Variants in KCTD16 observed in about 807,000 individuals in gnomAD.
The protein encoded by KCTD16 is potassium channel tetramerization domain containing 16.
Under a neutral mutation model 33.2 loss-of-function variants are expected in KCTD16, and 13 were observed. The observed-to-expected ratio is 0.39, with a 90% CI of 0.25 to 0.62. The LOEUF (loss-of-function observed/expected upper bound fraction) is 0.62. KCTD16 is among the 20% of genes least tolerant of loss of function. KCTD16 has a pLI of 0.50. For missense variants in KCTD16, 441 were observed against 525.1 expected, an observed-to-expected ratio of 0.84 and a Z score of 1.57; for synonymous variants, 197 against 195.3, an observed-to-expected ratio of 1.01 and a Z score of -0.07.
At chr5:144,427,282 T>C (rs1201999744) in intron 3 of KCTD16, among the ~76,000 whole-genome samples, 1 of 152,092 alleles carries the variant, frequency 6.6e-6, no homozygotes, top group African/African-American at 2.4e-5. Context: ...CTTGATCTTC[T>C]ACTCAGGATT....
At chr5:144,235,306 T>C (rs1754220273) in intron 3 of KCTD16, among the ~76,000 whole-genome samples, 1 of 152,014 alleles carries the variant, frequency 6.6e-6, no homozygotes, top group Admixed American at 6.6e-5. Context: ...TCCCAAGGGG[T>C]GTGGCTTCCT....
chr5:144,209,884 A>G (rs1338388640), intron 3 of KCTD16, among the ~76,000 whole-genome samples: 3 of 145,128 alleles, frequency 2.1e-5, no homozygotes, highest in Non-Finnish European at 3.0e-5. Context: ...GTATGTATGT[A>G]TATATATGTG....
At chr5:144,466,348 C>T (rs1187703748) in intron 3 of KCTD16, among the ~76,000 whole-genome samples, 1 of 150,112 alleles carries the variant, frequency 6.7e-6, no homozygotes, top group Non-Finnish European at 1.5e-5. Context: ...TACAAGATGT[C>T]CCACACATCA....
At chr5:144,439,257 GAGTATTGGCA>G (rs1251749989) in intron 3 of KCTD16, 1 of 326,128 alleles carries the variant, frequency 3.1e-6, no homozygotes, top group Non-Finnish European at 6.0e-6. Flanking sequence ...TGAGGGGTTT[GAGTATTGGCA>G]TGTCATGTTG....
intron 3 of KCTD16, among the ~76,000 whole-genome samples, chr5:144,410,421 G>A (rs1405866436): frequency 6.6e-6 from 1 of 152,120 alleles, no homozygotes; most frequent in Non-Finnish European, 1.5e-5. Context: ...TGTCCTACCT[G>A]TATGTAACCT....
chr5:144,173,060 G>A (rs1023671995), intron 1 of KCTD16, among the ~76,000 whole-genome samples: 4 of 152,166 alleles, frequency 2.6e-5, no homozygotes, highest in Admixed American at 2.6e-4. Context: ...CCATTATGGA[G>A]GACAGTGTGG....
chr5:144,358,824 C>G (rs1751636907), intron 3 of KCTD16, among the ~76,000 whole-genome samples: 1 of 152,190 alleles, frequency 6.6e-6, no homozygotes, highest in Non-Finnish European at 1.5e-5. Context: ...TCCTTTGGGC[C>G]TCTTTTATAA....
rs568202993 is a variant in KCTD16 at position 144,335,509 on chromosome 5, C to T, written c.832+127963C>T. ...GGGTAGAAAAATGAGTAAAGCTGTC[C>T]TTTTCCTAAAAGAGCTCAGGTTCTA... is the stretch of plus-strand genomic sequence containing the variant. On this transcript the variant is annotated intron_variant, in intron 3 of 3. Transcript: ENST00000512467. Among the ~76,000 whole-genome samples the T allele has an allele frequency of 3.9e-5, 6 of 152,012 alleles. No homozygotes were observed. In the East Asian group the frequency reaches 9.7e-4, roughly 25 times the overall value.
intron 3 of KCTD16, among the ~76,000 whole-genome samples, chr5:144,259,457 G>A (rs1377883927): frequency 1.3e-5 from 2 of 151,958 alleles, no homozygotes; most frequent in African/African-American, 4.8e-5. Flanking sequence ...TATGGCATTC[G>A]AAAACAATTA....
At chr5:144,238,370 AT>A (rs2126819110) in intron 3 of KCTD16, among the ~76,000 whole-genome samples, 1 of 152,254 alleles carries the variant, frequency 6.6e-6, no homozygotes, top group Admixed American at 6.5e-5. Context: ...TCTGTGTTTT[AT>A]TACCTGGAAA....
intron 3 of KCTD16, among the ~76,000 whole-genome samples, chr5:144,230,635 T>C (rs899126602): frequency 6.6e-6 from 1 of 152,184 alleles, no homozygotes; most frequent in East Asian, 1.9e-4. Context: ...GCCAATTATA[T>C]AAGGTGTAAA....
At chr5:144,376,792 G>C (rs781436187) in intron 3 of KCTD16, among the ~76,000 whole-genome samples, 12 of 152,182 alleles carry the variant, frequency 7.9e-5, no homozygotes, top group Non-Finnish European at 1.5e-4. Flanking sequence ...CATGTTTTAA[G>C]GATGGTAGGA....
At chr5:144,412,467 A>G (rs1752953557) in intron 3 of KCTD16, among the ~76,000 whole-genome samples, 1 of 152,214 alleles carries the variant, frequency 6.6e-6, no homozygotes, top group South Asian at 2.1e-4. Flanking sequence ...TAGGAGATAA[A>G]AAAGAATCCT....
chr5:144,453,515 G>A (rs1023832447), intron 3 of KCTD16, among the ~76,000 whole-genome samples: 3 of 152,094 alleles, frequency 2.0e-5, no homozygotes, highest in African/African-American at 7.2e-5. Flanking sequence ...AGTGTTAGAA[G>A]CCCCTAGTAT....
intron 3 of KCTD16, among the ~76,000 whole-genome samples, chr5:144,451,965 A>T (rs1753952231): frequency 1.3e-5 from 2 of 151,856 alleles, no homozygotes; most frequent in South Asian, 4.2e-4. Flanking sequence ...TTTAGGAGTG[A>T]AACTGTATTT....
intron 3 of KCTD16, among the ~76,000 whole-genome samples, chr5:144,333,899 C>G (rs1023353990): frequency 6.6e-6 from 1 of 152,186 alleles, no homozygotes; most frequent in Non-Finnish European, 1.5e-5. Context: ...CCTCTTTTCC[C>G]TCCATCTTTT....
At chr5:144,297,310 GA>G (rs1247580474) in intron 3 of KCTD16, among the ~76,000 whole-genome samples, 3 of 152,140 alleles carry the variant, frequency 2.0e-5, no homozygotes, top group South Asian at 2.1e-4. Context: ...CTGCAAGTAA[GA>G]AAAAATACAG....
At chr5:144,299,826 C>T (rs182733581) in intron 3 of KCTD16, among the ~76,000 whole-genome samples, 5 of 148,592 alleles carry the variant, frequency 3.4e-5, no homozygotes, top group African/African-American at 1.2e-4. Context: ...AATAACCTTA[C>T]TTTTAACAAA....
intron 3 of KCTD16, among the ~76,000 whole-genome samples, chr5:144,219,169 T>G (rs1052992820): frequency 6.6e-6 from 1 of 152,192 alleles, no homozygotes; most frequent in African/African-American, 2.4e-5. Flanking sequence ...TAGCTTTGTT[T>G]TCATCAGTAG....
Sources: gnomAD v4.1 joint callset for allele counts (sites outside exome capture counted in the v4.1 genomes callset) on GRCh38, gnomAD v4.1.1 for gene constraint, MANE v1.5 for transcripts, NCBI Gene and HGNC (gene_info 2026-07-23, HGNC 2026-07-21) for gene names.